Variants in CTNND2 observed in about 807,000 individuals in gnomAD.
CTNND2 encodes the protein catenin delta-2.
In CTNND2, 22 loss-of-function variants were observed where a neutral mutation model predicts 144.4. The observed-to-expected ratio is 0.15, with a 90% CI of 0.11 to 0.22. The LOEUF (loss-of-function observed/expected upper bound fraction) is 0.22. Among genes scored for constraint, CTNND2 ranks in the 10% least tolerant of loss-of-function variants. The pLI, the probability that CTNND2 is intolerant of heterozygous loss-of-function variation, is 1.00. For synonymous variants in CTNND2, 751 were observed against 695.6 expected, an observed-to-expected ratio of 1.08 and a Z score of -1.25; for missense variants, 1,353 against 1,618.8, an observed-to-expected ratio of 0.84 and a Z score of 2.82.
At chr5:11,240,718 AAC>A (rs559638604) in intron 9 of CTNND2, among the ~76,000 whole-genome samples, 106 of 114,826 alleles carry the variant, frequency 9.2e-4, no homozygotes, top group South Asian at 2.1e-3. Context: ...ACACACCCAA[AAC>A]ACACACTCAG....
At chr5:11,177,657 A>T (rs1329248081) in intron 11 of CTNND2, among the ~76,000 whole-genome samples, 1 of 152,174 alleles carries the variant, frequency 6.6e-6, no homozygotes, top group Non-Finnish European at 1.5e-5. Context: ...TCTTGTTCAC[A>T]GATAATTAGA....
At chr5:11,817,484 A>G in intron 1 of CTNND2, among the ~76,000 whole-genome samples, 1 of 139,374 alleles carries the variant, frequency 7.2e-6, no homozygotes, top group African/African-American at 2.7e-5. Flanking sequence ...GGAGTGAGCC[A>G]GAGCCAGCGG....
At chr5:11,131,467 T>G (rs2149719170) in intron 12 of CTNND2, among the ~76,000 whole-genome samples, 1 of 152,276 alleles carries the variant, frequency 6.6e-6, no homozygotes, top group Non-Finnish European at 1.5e-5. Flanking sequence ...TGGCATTATG[T>G]TCTGGATTAT....
intron 2 of CTNND2, among the ~76,000 whole-genome samples, chr5:11,584,209 A>T (rs1778652203): frequency 1.3e-5 from 2 of 152,198 alleles, no homozygotes; most frequent in South Asian, 4.1e-4. Flanking sequence ...CGTGTGACTA[A>T]TGCGAAAGCT....
At chr5:11,434,763 T>C (rs891736052) in intron 3 of CTNND2, among the ~76,000 whole-genome samples, 5 of 152,184 alleles carry the variant, frequency 3.3e-5, no homozygotes, top group Admixed American at 3.3e-4. Flanking sequence ...TTTTACATAA[T>C]TAAATGTTAG....
intron 2 of CTNND2, among the ~76,000 whole-genome samples, chr5:11,635,440 A>T (rs1781634870): frequency 6.6e-6 from 1 of 152,174 alleles, no homozygotes; most frequent in Admixed American, 6.5e-5. Context: ...ATGTAATTTC[A>T]CAGGAGTTTT....
At chr5:11,700,846 G>C (rs955898833) in intron 2 of CTNND2, among the ~76,000 whole-genome samples, 1 of 152,208 alleles carries the variant, frequency 6.6e-6, no homozygotes, top group Non-Finnish European at 1.5e-5. Context: ...CCTTTGAAAA[G>C]CATGTGATCT....
chr5:11,730,105 T>C (rs1787289238), intron 2 of CTNND2, among the ~76,000 whole-genome samples: 1 of 152,194 alleles, frequency 6.6e-6, no homozygotes, highest in African/African-American at 2.4e-5. Context: ...TATTTTCTCT[T>C]GGACTATTTT....
At chr5:11,166,001 C>A (rs1759286392) in intron 11 of CTNND2, among the ~76,000 whole-genome samples, 1 of 152,142 alleles carries the variant, frequency 6.6e-6, no homozygotes, top group Non-Finnish European at 1.5e-5. Context: ...GCTTTCAGCT[C>A]TTTAGACGTA....
chr5:11,862,543 T>G (rs1443019726), intron 1 of CTNND2, among the ~76,000 whole-genome samples: 1 of 152,190 alleles, frequency 6.6e-6, no homozygotes, highest in Non-Finnish European at 1.5e-5. Flanking sequence ...TTGATGCATT[T>G]CTTACCATTA....
At chr5:11,332,767 T>C (rs1330016475) in intron 9 of CTNND2, among the ~76,000 whole-genome samples, 2 of 152,196 alleles carry the variant, frequency 1.3e-5, no homozygotes, top group Non-Finnish European at 2.9e-5. Context: ...ACAAATCTCA[T>C]CTTGAATTGT....
At chr5:11,287,639 A>G (rs1747887579) in intron 9 of CTNND2, among the ~76,000 whole-genome samples, 1 of 152,242 alleles carries the variant, frequency 6.6e-6, no homozygotes, top group South Asian at 2.1e-4. Flanking sequence ...ATAACAGTCC[A>G]TATACGACCT....
chr5:11,162,419 A>G (rs1038409820), intron 11 of CTNND2, among the ~76,000 whole-genome samples: 1 of 152,222 alleles, frequency 6.6e-6, no homozygotes, highest in African/African-American at 2.4e-5. Context: ...TATCTCCTTC[A>G]CTTTTCCTTA....
At chr5:11,248,188 A>G (rs1743199876) in intron 9 of CTNND2, among the ~76,000 whole-genome samples, 1 of 152,166 alleles carries the variant, frequency 6.6e-6, no homozygotes, top group African/African-American at 2.4e-5. Context: ...TGATGCCCAA[A>G]ATACTCGGAT....
At chr5:11,749,249 A>G (rs1293889665) in intron 1 of CTNND2, among the ~76,000 whole-genome samples, 1 of 152,054 alleles carries the variant, frequency 6.6e-6, no homozygotes, top group Admixed American at 6.6e-5. Flanking sequence ...TTCTTGACTC[A>G]CAGAATCCAT....
rs201288821 is a variant in CTNND2 at position 11,770,464 on chromosome 5, G to GAAGGAAGGAAGGAA, written c.38-38193_38-38192insTTCCTTCCTTCCTT. Among the ~76,000 whole-genome samples, 366 of 142,972 alleles carry GAAGGAAGGAAGGAA rather than the reference G, an allele frequency of 2.6e-3. 4 individuals are homozygous for GAAGGAAGGAAGGAA. Among genetic ancestry groups the GAAGGAAGGAAGGAA allele is most frequent in the African/African-American group, 9.8e-3 (338 of 34,374 alleles). 93.8% of individuals were successfully genotyped at this position (142,972 alleles called of 152,430 possible). A position where few individuals can be genotyped will look rare whatever the true frequency, so the allele number is the denominator to read the frequency against. ...GGAAGGAAGGAAGGAAGGAAGGAAGGGGTAGGGGTAGGGGAAGGGGAAGGA... is the reference window on the plus strand; with the variant it reads ...GGAAGGAAGGAAGGAAGGAAGGAAGGAAGGAAGGAAGGAAGGTAGGGGTAGGGGAAGGGGAAGGA... On this transcript the variant is annotated intron_variant, in intron 1 of 21. Transcript: ENST00000304623.
rs1261947143 is a variant in CTNND2 at position 11,684,059 on chromosome 5, C to G, written c.174+48077G>C. 2.6e-5 allele frequency among the ~76,000 whole-genome samples: 4 copies of G among 152,090 alleles called. No individual in the cohort carries two copies. The East Asian group carries it at 7.7e-4, about 29-fold the overall frequency. On this transcript the variant is annotated intron_variant, in intron 2 of 21. Transcript: ENST00000304623. ...TCGATCCACTTTTAATCAAGACAGA[C>G]AGCTACTATTAGGTTTTTTACACAT...
intron 7 of CTNND2, among the ~76,000 whole-genome samples, chr5:11,370,757 T>C (rs2149781347): frequency 6.6e-6 from 1 of 152,316 alleles, no homozygotes; most frequent in Admixed American, 6.5e-5. Flanking sequence ...AAATTTAGCA[T>C]CCAGTTTCAA....
chr5:11,398,128 G>A (rs983047105), intron 5 of CTNND2, among the ~76,000 whole-genome samples: 1 of 152,176 alleles, frequency 6.6e-6, no homozygotes, highest in Admixed American at 6.5e-5. Context: ...GGCAATACAA[G>A]TTTTCTCCTG....
Sources: gnomAD v4.1 joint callset for allele counts (sites outside exome capture counted in the v4.1 genomes callset) on GRCh38, gnomAD v4.1.1 for gene constraint, MANE v1.5 for transcripts, NCBI Gene and HGNC (gene_info 2026-07-23, HGNC 2026-07-21) for gene names.